AUTS2: variants seen among roughly 807,000 people sequenced by gnomAD.
AUTS2 encodes the protein autism susceptibility gene 2 protein.
AUTS2 carries 17 observed loss-of-function variants against 112.4 expected under a neutral mutation model. That is an observed-to-expected ratio of 0.15 (90% CI 0.10 to 0.23). The LOEUF (loss-of-function observed/expected upper bound fraction) is 0.23. Ranked by LOEUF, AUTS2 falls within the 10% of genes least tolerant of loss-of-function variation. The pLI, the probability that AUTS2 is intolerant of heterozygous loss-of-function variation, is 1.00. For synonymous variants in AUTS2, 751 were observed against 702.7 expected (o/e 1.07, Z -1.09); for missense variants, 1,510 against 1,701.6 (o/e 0.89, Z 1.98).
At chr7:70,039,908 T>G (rs1801171192) in intron 2 of AUTS2, among the ~76,000 whole-genome samples, 1 of 152,194 alleles carries the variant, frequency 6.6e-6, no homozygotes, top group Non-Finnish European at 1.5e-5. Flanking sequence ...AAACATACAT[T>G]CATTCAAACA....
At chr7:70,632,392 T>G (rs912723396) in intron 5 of AUTS2, among the ~76,000 whole-genome samples, 3 of 152,086 alleles carry the variant, frequency 2.0e-5, no homozygotes, top group African/African-American at 7.2e-5. Context: ...GGTTTCTCAT[T>G]AAGCCCCTTG....
At chr7:70,496,693 C>T (rs1227174573) in intron 5 of AUTS2, among the ~76,000 whole-genome samples, 2 of 128,140 alleles carry the variant, frequency 1.6e-5, no homozygotes, top group African/African-American at 3.0e-5. Context: ...ACTCACACCA[C>T]GTACACAGTC....
At chr7:70,100,415 A>AT (rs1451188098) in intron 2 of AUTS2, among the ~76,000 whole-genome samples, 4 of 151,718 alleles carry the variant, frequency 2.6e-5, no homozygotes, top group Non-Finnish European at 1.5e-5. Flanking sequence ...GTAGAAAGCT[A>AT]TAACGGTTGT....
intron 4 of AUTS2, among the ~76,000 whole-genome samples, chr7:70,191,015 C>T (rs1809850624): frequency 6.6e-6 from 1 of 152,068 alleles, no homozygotes; most frequent in South Asian, 2.1e-4. Context: ...CTGCTGCTTT[C>T]AGAAGCATCA....
rs149232684 is a variant in AUTS2, at chr7:70,679,837, C to T, written c.691-18732C>T. On this transcript the variant is annotated intron_variant, in intron 5 of 18. Transcript: ENST00000342771. ...TGGGGGAAGGCATGTGTATTTTGTT[C>T]TTTCGTTCTGAAGTCCTTCCCTTGT... 3.3e-3 allele frequency among the ~76,000 whole-genome samples: 501 copies of T among 152,308 alleles called. 1 individual carries two copies. Among genetic ancestry groups the T allele is most frequent in the African/African-American group, 0.011 (478 of 41,572 alleles).
intron 1 of AUTS2, among the ~76,000 whole-genome samples, chr7:69,791,331 A>G (rs550304971): frequency 2.0e-5 from 3 of 152,198 alleles, no homozygotes; most frequent in Non-Finnish European, 2.9e-5. Flanking sequence ...TACAGCGACA[A>G]TGCTGCTATT....
At chr7:70,619,801 C>G (rs890956590) in intron 5 of AUTS2, among the ~76,000 whole-genome samples, 8 of 152,124 alleles carry the variant, frequency 5.3e-5, no homozygotes, top group African/African-American at 1.9e-4. Context: ...GATGCACCCC[C>G]ATGCTATCAC....
intron 4 of AUTS2, among the ~76,000 whole-genome samples, chr7:70,242,700 T>G (rs553705416): frequency 7.0e-4 from 106 of 152,264 alleles, no homozygotes; most frequent in Admixed American, 2.4e-3. Context: ...ATCTTCTTAG[T>G]CTCCCTGCCC....
At chr7:70,608,775 A>G (rs1026559445) in intron 5 of AUTS2, among the ~76,000 whole-genome samples, 1 of 152,036 alleles carries the variant, frequency 6.6e-6, no homozygotes. Context: ...TTGACTTCTA[A>G]TAATCATTTT....
chr7:70,680,510 G>A (rs561069218), intron 5 of AUTS2, among the ~76,000 whole-genome samples: 62 of 152,240 alleles, frequency 4.1e-4, no homozygotes, highest in African/African-American at 1.2e-3. Flanking sequence ...CATGTGATCC[G>A]GTCCAGGTCG....
Position 70,619,590 on chromosome 7 carries a change from G to A in AUTS2, c.691-78979G>A, listed in dbSNP as rs1199144635. On this transcript the variant is annotated intron_variant, in intron 5 of 18. Coordinates refer to ENST00000342771, the MANE Select transcript of AUTS2 (RefSeq NM_015570.4). ...AAAAAAAAAAAACAGCCAAAGGGGA[G>A]AAAATATATTGTATATTTTATAACC... Among the ~76,000 whole-genome samples, 3 of 151,784 alleles carry A rather than the reference G, an allele frequency of 2.0e-5. No homozygotes were observed. The East Asian group carries it at 5.8e-4, about 29-fold the overall frequency.
intron 4 of AUTS2, among the ~76,000 whole-genome samples, chr7:70,288,868 A>G (rs1313218448): frequency 3.9e-5 from 6 of 152,190 alleles, no homozygotes; most frequent in African/African-American, 1.4e-4. Context: ...TAATAGGGCA[A>G]TTGTGCAAAT....
At chr7:70,248,265 C>T (rs182457184) in intron 4 of AUTS2, among the ~76,000 whole-genome samples, 22 of 150,422 alleles carry the variant, frequency 1.5e-4, no homozygotes, top group South Asian at 2.1e-4. Context: ...CCCACTACCA[C>T]GCCCAGCTAA....
At chr7:70,649,317 T>G (rs1341668441) in intron 5 of AUTS2, among the ~76,000 whole-genome samples, 1 of 151,860 alleles carries the variant, frequency 6.6e-6, no homozygotes, top group East Asian at 1.9e-4. Context: ...GAAGGATTAC[T>G]GGACCGCAGG....
chr7:70,507,918 T>C (rs1799032889), intron 5 of AUTS2, among the ~76,000 whole-genome samples: 1 of 152,278 alleles, frequency 6.6e-6, no homozygotes, highest in Non-Finnish European at 1.5e-5. Flanking sequence ...GGGCAATGCA[T>C]GTGTGGACAC....
intron 4 of AUTS2, among the ~76,000 whole-genome samples, chr7:70,229,512 C>T (rs1029432289): frequency 5.3e-5 from 8 of 152,014 alleles, no homozygotes; most frequent in African/African-American, 1.7e-4. Flanking sequence ...TTTTCTTTGC[C>T]TTTCAACAGT....
intron 4 of AUTS2, among the ~76,000 whole-genome samples, chr7:70,152,238 G>GTCTCC (rs1455696203): frequency 2.6e-5 from 4 of 152,254 alleles, no homozygotes; most frequent in African/African-American, 9.6e-5. Flanking sequence ...TCTCCAGAGA[G>GTCTCC]AGGAGGGTGA....
intron 2 of AUTS2, among the ~76,000 whole-genome samples, chr7:70,059,012 G>T (rs1802120961): frequency 6.6e-6 from 1 of 152,112 alleles, no homozygotes; most frequent in African/African-American, 2.4e-5. Context: ...AACTGGTATT[G>T]GCAAAACATA....
At chr7:70,132,837 G>A (rs1371852080) in intron 3 of AUTS2, among the ~76,000 whole-genome samples, 3 of 152,170 alleles carry the variant, frequency 2.0e-5, no homozygotes, top group Non-Finnish European at 4.4e-5. Flanking sequence ...GGAAGGGAAA[G>A]AAATGAAATA....
Sources: gnomAD v4.1 joint callset for allele counts (sites outside exome capture counted in the v4.1 genomes callset) on GRCh38, gnomAD v4.1.1 for gene constraint, MANE v1.5 for transcripts, NCBI Gene and HGNC (gene_info 2026-07-23, HGNC 2026-07-21) for gene names.